The following DIP2C variants were observed in gnomAD, a reference collection of about 807,000 sequenced individuals.
DIP2C encodes DIP2 acetate--CoA ligase C (putative).
DIP2C carries 33 observed loss-of-function variants against 192.4 expected under a neutral mutation model. That is an observed-to-expected ratio of 0.17 (90% confidence interval 0.13 to 0.23). DIP2C has a LOEUF of 0.23. Ranked by LOEUF, DIP2C falls within the 10% of genes least tolerant of loss-of-function variation. The pLI is 1.00. For synonymous variants in DIP2C, 979 were observed against 864.1 expected, an observed-to-expected ratio of 1.13 and a Z score of -2.33; for missense variants, 1,537 against 2,110.1, an observed-to-expected ratio of 0.73 and a Z score of 5.32.
intron 1 of DIP2C, among the ~76,000 whole-genome samples, chr10:624,859 TG>T (rs1204592832): frequency 6.6e-6 from 1 of 150,894 alleles, no homozygotes; most frequent in East Asian, 2.0e-4. Flanking sequence ...GAGGTGTGCA[TG>T]TGGCCGGGAG....
chr10:657,922 T>TCCCTGGACCTGC (rs1588700738), intron 1 of DIP2C, among the ~76,000 whole-genome samples: 16 of 59,234 alleles, frequency 2.7e-4, no homozygotes, highest in Non-Finnish European at 1.7e-4. Flanking sequence ...ACTGGACCTG[T>TCCCTGGACCTGC]CCCTGGACCT....
At chr10:280,377 C>G (rs1348729772) in intron 36 of DIP2C, among the ~76,000 whole-genome samples, 2 of 152,192 alleles carry the variant, frequency 1.3e-5, no homozygotes, top group Non-Finnish European at 2.9e-5. Context: ...ACCAGTTTCA[C>G]CAGGTGCCCC....
chr10:289,664 G>A (rs544639048), intron 32 of DIP2C, among the ~76,000 whole-genome samples: 2 of 152,328 alleles, frequency 1.3e-5, no homozygotes, highest in African/African-American at 4.8e-5. Flanking sequence ...GGAGGATGAG[G>A]GGTAGGGAAG....
At chr10:658,345 CT>C (rs1856540605) in intron 1 of DIP2C, among the ~76,000 whole-genome samples, 1 of 136,906 alleles carries the variant, frequency 7.3e-6, no homozygotes. Flanking sequence ...GGACCTGCCC[CT>C]GGACCTGCCC....
At chr10:453,863 G>T (rs1969060546) in intron 3 of DIP2C, among the ~76,000 whole-genome samples, 1 of 152,202 alleles carries the variant, frequency 6.6e-6, no homozygotes, top group South Asian at 2.1e-4. Flanking sequence ...TCGGAGCTGG[G>T]GGTGAGCTGC....
At chr10:440,629 T>C (rs1967649226) in intron 4 of DIP2C, among the ~76,000 whole-genome samples, 1 of 152,248 alleles carries the variant, frequency 6.6e-6, no homozygotes, top group Non-Finnish European at 1.5e-5. Context: ...GAGATTTTAC[T>C]GGTATGTATC....
intron 1 of DIP2C, among the ~76,000 whole-genome samples, chr10:558,795 C>A (rs1404132755): frequency 6.6e-6 from 1 of 152,178 alleles, no homozygotes; most frequent in Non-Finnish European, 1.5e-5. Context: ...TTTAAGTTAA[C>A]AGAGGCAACA....
At chr10:454,746 G>A (rs897648276) in intron 3 of DIP2C, among the ~76,000 whole-genome samples, 6 of 151,626 alleles carry the variant, frequency 4.0e-5, no homozygotes, top group East Asian at 1.9e-4. Flanking sequence ...GTATACAAAC[G>A]CACCCTCTAT....
chr10:341,662 C>T (rs370549302), intron 28 of DIP2C, among the ~76,000 whole-genome samples: 13 of 152,280 alleles, frequency 8.5e-5, no homozygotes, highest in Middle Eastern at 6.8e-3. Context: ...ACAATAAAGC[C>T]GCATTAAATG....
intron 1 of DIP2C, among the ~76,000 whole-genome samples, chr10:640,668 C>G (rs1855127021): frequency 7.1e-6 from 1 of 140,166 alleles, no homozygotes; most frequent in Non-Finnish European, 1.5e-5. Context: ...AGGGTGCGCG[C>G]GGGGATGAGG....
chr10:433,049 G>A (rs1017380766), intron 4 of DIP2C, among the ~76,000 whole-genome samples: 1 of 152,068 alleles, frequency 6.6e-6, no homozygotes, highest in African/African-American at 2.4e-5. Context: ...GGTATATCAT[G>A]GTGAATGTTC....
At chr10:596,496 CAAAAAAAAAAAAAAAAAAA>C (rs56298679) in intron 1 of DIP2C, among the ~76,000 whole-genome samples, 12 of 52,932 alleles carry the variant, frequency 2.3e-4, no homozygotes, top group Admixed American at 2.2e-3. Flanking sequence ...AACTCCATCT[CAAAAAAAAAAAAAAAAAAA>C]AAAAAAAAAA....
intron 22 of DIP2C, among the ~76,000 whole-genome samples, chr10:359,383 G>A (rs1959203591): frequency 6.6e-6 from 1 of 152,206 alleles, no homozygotes; most frequent in Non-Finnish European, 1.5e-5. Flanking sequence ...AAATCTGGAG[G>A]AGAACGGTCT....
At chr10:304,475 G>A (rs1459847139) in intron 32 of DIP2C, among the ~76,000 whole-genome samples, 3 of 152,096 alleles carry the variant, frequency 2.0e-5, no homozygotes, top group Admixed American at 1.3e-4. Flanking sequence ...CCATGATGAA[G>A]GGACTAAAGA....
chr10:634,207 T>C (rs1854695492), intron 1 of DIP2C, among the ~76,000 whole-genome samples: 1 of 152,228 alleles, frequency 6.6e-6, no homozygotes. Context: ...GCGTCAACGC[T>C]GTCCCCTAGA....
intron 1 of DIP2C, among the ~76,000 whole-genome samples, chr10:522,109 G>A (rs2130820029): frequency 6.8e-6 from 1 of 147,814 alleles, no homozygotes; most frequent in Non-Finnish European, 1.5e-5. Context: ...CCCAACCCCT[G>A]GCAGCTGCTG....
rs755761841 is a variant in DIP2C at position 281,212 on chromosome 10, C to G, written c.4406G>C (p.Ser1469Thr). The G allele has an allele frequency of 6.2e-7, 1 of 1,614,128 alleles. No homozygotes were observed. The highest frequency in any genetic ancestry group is 2.2e-5 in the East Asian group (1 of 44,888). ...GCTCACGACTTACCATTCCGTAACG[C>G]TTTTATGGGCTCTGATGACCGAGGT... ...IETSVIRAHK[S>T]VTECAVFTWT... Residue 1469 changes from serine (S) to threonine (T), a missense_variant, in exon 36 of 37, where the codon AGC becomes ACC. By Grantham distance (58) the Ser-to-Thr change is moderately conservative. Transcript: ENST00000280886.
intron 6 of DIP2C, among the ~76,000 whole-genome samples, chr10:417,583 C>T (rs192066604): frequency 1.4e-4 from 21 of 152,162 alleles, no homozygotes; most frequent in East Asian, 7.7e-4. Flanking sequence ...TGTGGCAGTG[C>T]GCCTGTTGGA....
intron 1 of DIP2C, among the ~76,000 whole-genome samples, chr10:600,935 A>G (rs979126013): frequency 8.5e-5 from 13 of 152,142 alleles, no homozygotes; most frequent in Non-Finnish European, 7.3e-5. Flanking sequence ...CAGAAACCAC[A>G]TCTTCCCAGG....
Sources: gnomAD v4.1 joint callset for allele counts (sites outside exome capture counted in the v4.1 genomes callset) on GRCh38, gnomAD v4.1.1 for gene constraint, MANE v1.5 for transcripts, NCBI Gene and HGNC (gene_info 2026-07-23, HGNC 2026-07-21) for gene names.